Variants in CSMD1 observed in about 807,000 individuals in gnomAD.
The protein encoded by CSMD1 is CUB and Sushi multiple domains 1.
CSMD1 carries 213 observed loss-of-function variants against 417.5 expected under a neutral mutation model. The observed-to-expected ratio is 0.51, with a 90% CI of 0.46 to 0.57. CSMD1 has a LOEUF of 0.57. CSMD1 is among the 20% of genes least tolerant of loss of function. The pLI, the probability that CSMD1 is intolerant of heterozygous loss-of-function variation, is 0.00. For synonymous variants in CSMD1, 2,862 were observed against 1,736.8 expected, an observed-to-expected ratio of 1.65 and a Z score of -16.11; for missense variants, 6,923 against 4,529.7, an observed-to-expected ratio of 1.53 and a Z score of -15.17.
chr8:4,066,315 A>C (rs1178974008), intron 3 of CSMD1, among the ~76,000 whole-genome samples: 1 of 152,164 alleles, frequency 6.6e-6, no homozygotes. Context: ...CTGGCTCTTA[A>C]AGGTGTTCTG....
intron 5 of CSMD1, among the ~76,000 whole-genome samples, chr8:3,864,215 C>G (rs1256949325): frequency 6.6e-6 from 1 of 152,134 alleles, no homozygotes; most frequent in Admixed American, 6.5e-5. Context: ...CAGAAATACT[C>G]CTTGCTCATA....
intron 1 of CSMD1, among the ~76,000 whole-genome samples, chr8:4,933,108 T>A (rs1807354581): frequency 6.6e-6 from 1 of 152,346 alleles, no homozygotes; most frequent in East Asian, 1.9e-4. Context: ...TCACCTTACA[T>A]ACTTGTATGG....
intron 3 of CSMD1, among the ~76,000 whole-genome samples, chr8:4,333,167 A>C (rs1050339214): frequency 1.3e-5 from 2 of 152,150 alleles, no homozygotes; most frequent in Non-Finnish European, 2.9e-5. Context: ...TCCTCAAAAA[A>C]TCCTTCGCAA....
At chr8:3,023,037 C>T (rs1809569453) in intron 51 of CSMD1, among the ~76,000 whole-genome samples, 1 of 152,240 alleles carries the variant, frequency 6.6e-6, no homozygotes, top group Non-Finnish European at 1.5e-5. Context: ...GAAAATTCAA[C>T]TGCAGGTAGT....
rs557784722 is a variant in CSMD1, at chr8:4,716,000, T to A, written c.86-78442A>T. Among the ~76,000 whole-genome samples, 37 of 152,176 alleles carry A rather than the reference T, an allele frequency of 2.4e-4. 1 individual carries two copies. In the South Asian group the frequency reaches 7.1e-3, roughly 29 times the overall value. On this transcript the variant is annotated intron_variant, in intron 1 of 69. Transcript: ENST00000635120. ...ATGACTGCTTAAATCTTACCAGTGG[T>A]CCAAAGAGCACAGGGGCCAGGGCAG...
intron 2 of CSMD1, among the ~76,000 whole-genome samples, chr8:4,455,949 A>AAAAAAAAAAAAAAAT (rs1799446082): frequency 7.1e-6 from 1 of 141,298 alleles, no homozygotes. Flanking sequence ...AAAAAAAAAA[A>AAAAAAAAAAAAAAAT]AAAAAAAAAA....
At chr8:3,548,142 A>G (rs1308681858) in intron 10 of CSMD1, among the ~76,000 whole-genome samples, 1 of 152,178 alleles carries the variant, frequency 6.6e-6, no homozygotes, top group Non-Finnish European at 1.5e-5. Context: ...GTATGACTCT[A>G]TCGGTACATG....
chr8:4,474,166 A>T (rs138329626), intron 2 of CSMD1, among the ~76,000 whole-genome samples: 1 of 152,214 alleles, frequency 6.6e-6, no homozygotes, highest in Non-Finnish European at 1.5e-5. Context: ...ATTTCCACAC[A>T]TGGAAATAAT....
At chr8:3,281,064 C>G (rs187602021) in intron 26 of CSMD1, among the ~76,000 whole-genome samples, 2 of 152,268 alleles carry the variant, frequency 1.3e-5, no homozygotes, top group East Asian at 1.9e-4. Context: ...TACGTCCACA[C>G]AAAAACCTGC....
At chr8:4,580,820 T>C (rs1018694635) in intron 2 of CSMD1, among the ~76,000 whole-genome samples, 5 of 152,258 alleles carry the variant, frequency 3.3e-5, no homozygotes, top group African/African-American at 9.6e-5. Context: ...AAAAGTTGTA[T>C]CTTGTACATA....
At chr8:4,586,647 C>T (rs1162784416) in intron 2 of CSMD1, among the ~76,000 whole-genome samples, 1 of 152,136 alleles carries the variant, frequency 6.6e-6, no homozygotes, top group Non-Finnish European at 1.5e-5. Flanking sequence ...CATAAAAACA[C>T]AGCACTAAAA....
At chr8:4,707,886 C>CAAAAAAAAAAAAAAAAA (rs552510236) in intron 1 of CSMD1, among the ~76,000 whole-genome samples, 10 of 100,852 alleles carry the variant, frequency 9.9e-5, no homozygotes, top group African/African-American at 1.8e-4. Context: ...GACTTTGTTT[C>CAAAAAAAAAAAAAAAAA]AAAAAAAAAA....
At chr8:4,125,501 C>T (rs1416782005) in intron 3 of CSMD1, among the ~76,000 whole-genome samples, 1 of 152,204 alleles carries the variant, frequency 6.6e-6, no homozygotes, top group East Asian at 1.9e-4. Flanking sequence ...ACTGGGTACA[C>T]GTCGGCCGGA....
At position 4,935,425 on chromosome 8, in the gene CSMD1, C is replaced by G. The variant is rs545890152; in HGVS notation, c.85+58907G>C. Among the ~76,000 whole-genome samples, 6 of 152,310 alleles carry G rather than the reference C, an allele frequency of 3.9e-5. No individual in the cohort carries two copies. In the East Asian group the frequency reaches 1.2e-3, roughly 29 times the overall value. The stretch of plus-strand genomic sequence containing the variant: ...TTACTCTGTGTTGAAGTTACCGGTT[C>G]ATTTCTAATGCTTGCAGAAGACTAA... On this transcript the variant is annotated intron_variant, in intron 1 of 69. Transcript: ENST00000635120.
chr8:3,601,584 C>G (rs1018192075), intron 8 of CSMD1, among the ~76,000 whole-genome samples: 1 of 152,118 alleles, frequency 6.6e-6, no homozygotes, highest in African/African-American at 2.4e-5. Context: ...CTAGTCACCA[C>G]AATCTACTGT....
At chr8:4,041,097 A>G (rs562397948) in intron 3 of CSMD1, among the ~76,000 whole-genome samples, 15 of 145,970 alleles carry the variant, frequency 1.0e-4, no homozygotes, top group South Asian at 4.3e-4. Context: ...GCTCACTGCA[A>G]GCTCCGCCTC....
intron 3 of CSMD1, among the ~76,000 whole-genome samples, chr8:4,411,444 C>T (rs904857791): frequency 6.6e-6 from 1 of 152,106 alleles, no homozygotes; most frequent in African/African-American, 2.4e-5. Flanking sequence ...CTTTTAATTA[C>T]TTGGTTCTAT....
intron 2 of CSMD1, among the ~76,000 whole-genome samples, chr8:4,445,251 T>C (rs999283485): frequency 1.3e-5 from 2 of 152,196 alleles, no homozygotes; most frequent in African/African-American, 2.4e-5. Context: ...CTTGTTCTCT[T>C]TCTAGCCATA....
chr8:3,442,019 G>C (rs574503462), intron 12 of CSMD1, among the ~76,000 whole-genome samples: 1 of 151,602 alleles, frequency 6.6e-6, no homozygotes, highest in East Asian at 1.9e-4. Flanking sequence ...GCTATGTTTT[G>C]TGTGTTTGTG....
Sources: allele counts gnomAD v4.1 joint callset (sites outside exome capture counted in the v4.1 genomes callset), GRCh38; gene constraint gnomAD v4.1.1; transcripts MANE v1.5; gene names NCBI Gene and HGNC (gene_info 2026-07-23, HGNC 2026-07-21).